LRRC8D: variants seen among roughly 807,000 people sequenced by gnomAD.
The protein encoded by LRRC8D is volume-regulated anion channel subunit LRRC8D.
Under a neutral mutation model 55.8 loss-of-function variants are expected in LRRC8D, and 20 were observed. The ratio of observed to expected loss-of-function variants is 0.36; its 90% CI spans 0.25 to 0.52. The LOEUF (loss-of-function observed/expected upper bound fraction) is 0.52. LRRC8D is among the 20% of genes least tolerant of loss of function. The pLI, the probability that LRRC8D is intolerant of heterozygous loss-of-function variation, is 0.93. For missense variants in LRRC8D, 651 were observed against 1,030.8 expected (o/e 0.63, Z 5.05); for synonymous variants, 352 against 377.0 (o/e 0.93, Z 0.77).
intron 1 of LRRC8D, among the ~76,000 whole-genome samples, chr1:89,836,553 T>G (rs1304169538): frequency 6.6e-6 from 1 of 152,208 alleles, no homozygotes; most frequent in African/African-American, 2.4e-5. Flanking sequence ...TAACGAAGTC[T>G]TGTTGAAAGG....
chr1:89,824,418 T>A (rs74101213), intron 1 of LRRC8D, among the ~76,000 whole-genome samples: 1 of 152,204 alleles, frequency 6.6e-6, no homozygotes, highest in Non-Finnish European at 1.5e-5. Context: ...TTGGGAATCA[T>A]TGAAATCAGA....
intron 1 of LRRC8D, among the ~76,000 whole-genome samples, chr1:89,842,652 T>C (rs77996757): frequency 0.013 from 2,047 of 152,304 alleles, 43 homozygotes; most frequent in African/African-American, 0.045. Context: ...AGACTGTGCA[T>C]GTAAGGGCAG....
In LRRC8D at chr1:89,935,151, A is replaced by G. The variant is rs1395180283; in HGVS notation, c.2083A>G (p.Ile695Val). 2 of 1,614,186 alleles carry G rather than the reference A, an allele frequency of 1.2e-6. No homozygotes were observed. The highest frequency in any genetic ancestry group is 1.7e-6 in the Non-Finnish European group (2 of 1,180,026). Residue 695 changes from isoleucine to valine, a missense_variant, in exon 3 of 3, where the codon ATT (isoleucine) becomes GTT (valine). Around this residue, in one of 5 missense-constraint regions of LRRC8D, gnomAD observed 338 missense variants for 479.4 expected, o/e 0.71. Transcript: ENST00000337338. ...TTGTTTAAAATTATGGCATAACAAAATTGTTACTATTCCTCCCTCTATTAC... is the reference window on the plus strand; with the variant it reads ...TTGTTTAAAATTATGGCATAACAAAGTTGTTACTATTCCTCCCTCTATTAC... ...LTCLKLWHNK[I>V]VTIPPSITHV...
chr1:89,886,788 T>G (rs767975754), intron 2 of LRRC8D, among the ~76,000 whole-genome samples: 1 of 152,136 alleles, frequency 6.6e-6, no homozygotes, highest in Non-Finnish European at 1.5e-5. Flanking sequence ...TGGAGGGGAA[T>G]GCCATAAATA....
At chr1:89,903,481 A>G (rs967877393) in intron 2 of LRRC8D, among the ~76,000 whole-genome samples, 7 of 152,176 alleles carry the variant, frequency 4.6e-5, no homozygotes, top group African/African-American at 1.7e-4. Flanking sequence ...AATGAGGTAC[A>G]CAGTATCACA....
intron 2 of LRRC8D, among the ~76,000 whole-genome samples, chr1:89,873,524 T>C (rs1662074247): frequency 6.6e-6 from 1 of 152,202 alleles, no homozygotes; most frequent in African/African-American, 2.4e-5. Flanking sequence ...CAGCTCCATG[T>C]TTATGTCCAG....
intron 2 of LRRC8D, among the ~76,000 whole-genome samples, chr1:89,915,525 T>C (rs1244263596): frequency 6.6e-6 from 1 of 152,246 alleles, no homozygotes; most frequent in Non-Finnish European, 1.5e-5. Flanking sequence ...TTGTAACCAA[T>C]GTATGATATT....
At chr1:89,883,406 A>G (rs905543686) in intron 2 of LRRC8D, among the ~76,000 whole-genome samples, 8 of 152,100 alleles carry the variant, frequency 5.3e-5, no homozygotes, top group African/African-American at 1.7e-4. Flanking sequence ...AGAATGGGGG[A>G]TATCCAAGCA....
intron 2 of LRRC8D, among the ~76,000 whole-genome samples, chr1:89,891,003 T>C (rs188742615): frequency 1.4e-3 from 217 of 152,298 alleles, no homozygotes; most frequent in Non-Finnish European, 1.9e-3. Flanking sequence ...TGCCTCAGCT[T>C]CCTGAGTAGC....
At chr1:89,856,658 A>G (rs1661560147) in intron 2 of LRRC8D, among the ~76,000 whole-genome samples, 1 of 152,234 alleles carries the variant, frequency 6.6e-6, no homozygotes, top group Admixed American at 6.5e-5. Flanking sequence ...CAAATCCCTT[A>G]GGTATTTTAA....
At chr1:89,837,777 T>C (rs1326854863) in intron 1 of LRRC8D, among the ~76,000 whole-genome samples, 1 of 152,234 alleles carries the variant, frequency 6.6e-6, no homozygotes, top group Non-Finnish European at 1.5e-5. Flanking sequence ...CGTTTCTCTT[T>C]CGTGCTATTT....
chr1:89,884,589 C>T (rs765026697), intron 2 of LRRC8D, among the ~76,000 whole-genome samples: 11 of 152,164 alleles, frequency 7.2e-5, no homozygotes, highest in Admixed American at 1.3e-4. Context: ...GGATAAGAAC[C>T]GTGGAGTTAG....
chr1:89,925,837 G>A (rs936975563), intron 2 of LRRC8D, among the ~76,000 whole-genome samples: 4 of 152,208 alleles, frequency 2.6e-5, no homozygotes, highest in Non-Finnish European at 5.9e-5. Context: ...TCCTGTGGCT[G>A]ACATTGCTGG....
At chr1:89,903,029 C>T (rs1420402045) in intron 2 of LRRC8D, among the ~76,000 whole-genome samples, 1 of 152,202 alleles carries the variant, frequency 6.6e-6, no homozygotes, top group African/African-American at 2.4e-5. Context: ...TAAATCCCCA[C>T]CACAACCTCT....
intron 2 of LRRC8D, among the ~76,000 whole-genome samples, chr1:89,865,359 T>C (rs958108559): frequency 7.0e-6 from 1 of 143,714 alleles, no homozygotes; most frequent in Non-Finnish European, 1.5e-5. Context: ...TATATATATA[T>C]ACTTTCTGTG....
Position 89,912,649 on chromosome 1 carries a change from C to T in LRRC8D, c.-2-20418C>T, listed in dbSNP as rs573626157. On this transcript the variant is annotated intron_variant, in intron 2 of 2. Coordinates refer to ENST00000337338, the MANE Select transcript of LRRC8D (RefSeq NM_001134479.2). Reference sequence around the variant, plus strand: ...CATTTTGGCTCTCACAAGTCTTACCCTGTTAATTTGTTACAGTTATCATTC... The same window carrying T: ...CATTTTGGCTCTCACAAGTCTTACCTTGTTAATTTGTTACAGTTATCATTC... Among the ~76,000 whole-genome samples the T allele has an allele frequency of 5.9e-5, 9 of 152,176 alleles. No homozygotes were observed. In the South Asian group the frequency reaches 1.9e-3, roughly 32 times the overall value.
At chr1:89,858,517 A>T (rs537562081) in intron 2 of LRRC8D, among the ~76,000 whole-genome samples, 1 of 152,344 alleles carries the variant, frequency 6.6e-6, no homozygotes, top group Admixed American at 6.5e-5. Flanking sequence ...ATTAAGGTTT[A>T]AGAAAGTGGC....
chr1:89,839,012 A>ATT lies in LRRC8D; in HGVS notation c.-147-4619_-147-4618dup, dbSNP rs147323681. Among the ~76,000 whole-genome samples the ATT allele has an allele frequency of 1.1e-3, 170 of 152,062 alleles. 1 individual carries two copies. Among genetic ancestry groups the ATT allele is most frequent in the African/African-American group, 4.0e-3 (164 of 41,452 alleles). ...TTACAAGTTATCTTTTTAAAGTGGG[A>ATT]TTTTTTTTCTGAGCAAAAGATATGT... On this transcript the variant is annotated intron_variant, in intron 1 of 2. Transcript: ENST00000337338.
At chr1:89,915,316 A>G (rs1220500406) in intron 2 of LRRC8D, among the ~76,000 whole-genome samples, 1 of 152,242 alleles carries the variant, frequency 6.6e-6, no homozygotes. Flanking sequence ...TGGTCCATCA[A>G]CACATTAGAC....
Sources: gnomAD v4.1 joint callset for allele counts (sites outside exome capture counted in the v4.1 genomes callset) on GRCh38, gnomAD v4.1.1 for gene constraint, gnomAD v4.1.1 regional missense constraint, MANE v1.5 for transcripts, NCBI Gene and HGNC (gene_info 2026-07-23, HGNC 2026-07-21) for gene names.